Variants in SMOC2 observed in about 807,000 individuals in gnomAD.
SMOC2 encodes the protein SPARC-related modular calcium-binding protein 2.
In SMOC2, 39 loss-of-function variants were observed where a neutral mutation model predicts 61.4. The observed-to-expected ratio is 0.64, with a 90% CI of 0.49 to 0.83. The LOEUF (loss-of-function observed/expected upper bound fraction) is 0.83, where lower values mean the gene tolerates loss of function less well. Among genes scored for constraint, SMOC2 ranks in the 40% least tolerant of loss-of-function variants. The pLI, the probability that SMOC2 is intolerant of heterozygous loss-of-function variation, is 0.00. For missense variants in SMOC2, 556 were observed against 592.9 expected (o/e 0.94, Z 0.65); for synonymous variants, 247 against 239.9 (o/e 1.03, Z -0.27).
intron 1 of SMOC2, among the ~76,000 whole-genome samples, chr6:168,474,950 C>T (rs772847919): frequency 6.6e-6 from 1 of 152,096 alleles, no homozygotes; most frequent in Non-Finnish European, 1.5e-5. Context: ...TAAGTGATAC[C>T]ATACTGCTGA....
chr6:168,635,900 CAA>C (rs1319112730), intron 9 of SMOC2, among the ~76,000 whole-genome samples: 1 of 149,640 alleles, frequency 6.7e-6, no homozygotes, highest in Non-Finnish European at 1.5e-5. Context: ...ACTGGTTTAA[CAA>C]ATAGTTTTCT....
intron 1 of SMOC2, among the ~76,000 whole-genome samples, chr6:168,455,861 A>G (rs1174987833): frequency 6.6e-6 from 1 of 152,226 alleles, no homozygotes; most frequent in African/African-American, 2.4e-5. Flanking sequence ...CGTGGATTCA[A>G]AACCTCGTAT....
At chr6:168,662,936 A>G (rs76148038) in intron 11 of SMOC2, among the ~76,000 whole-genome samples, 7,186 of 152,236 alleles carry the variant, frequency 0.047, 420 homozygotes, top group African/African-American at 0.13. Context: ...GTAGGTTTGC[A>G]AGGGAAGATA....
At chr6:168,562,814 C>T (rs1784451750) in intron 7 of SMOC2, among the ~76,000 whole-genome samples, 2 of 152,152 alleles carry the variant, frequency 1.3e-5, no homozygotes, top group East Asian at 3.9e-4. Flanking sequence ...AGCTGTTTTC[C>T]CGGTGATCAC....
At chr6:168,481,388 G>T (rs549292175) in intron 1 of SMOC2, among the ~76,000 whole-genome samples, 25 of 152,198 alleles carry the variant, frequency 1.6e-4, no homozygotes, top group African/African-American at 5.3e-4. Flanking sequence ...GAACAGAGCT[G>T]CTAAAAGAAC....
chr6:168,445,383 C>T (rs1583022160), intron 1 of SMOC2, among the ~76,000 whole-genome samples: 1 of 152,162 alleles, frequency 6.6e-6, no homozygotes, highest in Non-Finnish European at 1.5e-5. Context: ...TTTCCCACTC[C>T]TATTTGTGTT....
At chr6:168,534,690 T>C (rs1271192539) in intron 4 of SMOC2, among the ~76,000 whole-genome samples, 2 of 152,260 alleles carry the variant, frequency 1.3e-5, no homozygotes, top group South Asian at 2.1e-4. Context: ...TTCTGGTGTC[T>C]AATGCTTGTG....
chr6:168,665,527 G>T (rs985684450), intron 12 of SMOC2, among the ~76,000 whole-genome samples: 1 of 152,276 alleles, frequency 6.6e-6, no homozygotes, highest in African/African-American at 2.4e-5. Flanking sequence ...ACGGGAAGGT[G>T]CATGATGCTA....
chr6:168,552,071 C>T (rs572075984), intron 7 of SMOC2, among the ~76,000 whole-genome samples: 16 of 152,300 alleles, frequency 1.1e-4, no homozygotes, highest in South Asian at 6.2e-4. Context: ...TTTACAGACA[C>T]GGGGCATGAA....
chr6:168,540,823 G>A (rs926296388), intron 4 of SMOC2, among the ~76,000 whole-genome samples: 1 of 152,124 alleles, frequency 6.6e-6, no homozygotes, highest in African/African-American at 2.4e-5. Context: ...GAAGTTCTCG[G>A]AAGGGGTGAG....
intron 12 of SMOC2, chr6:168,664,432 G>A: frequency 5.0e-6 from 2 of 397,576 alleles, no homozygotes; most frequent in Non-Finnish European, 4.5e-6. Flanking sequence ...AAGGGGTTCT[G>A]CCATGTTGCC....
In SMOC2 at chr6:168,464,849, G is replaced by C. The variant is rs9346714; in HGVS notation, c.84+23395G>C. 6.4e-4 allele frequency among the ~76,000 whole-genome samples: 97 copies of C among 152,374 alleles called. 3 individuals carry two copies. In the East Asian group the frequency reaches 0.018, roughly 29 times the overall value. On this transcript the variant is annotated intron_variant, in intron 1 of 12. Transcript: ENST00000356284. ...AAAGTGCCAGGGAGGAACATTGTAA[G>C]TCAGACGGCAGGTGCAGAAGTGCCC...
intron 1 of SMOC2, among the ~76,000 whole-genome samples, chr6:168,497,118 G>A (rs1460443244): frequency 1.3e-5 from 2 of 152,226 alleles, no homozygotes; most frequent in African/African-American, 4.8e-5. Flanking sequence ...GGGGAAAGAA[G>A]GCCCAGCCCT....
intron 1 of SMOC2, among the ~76,000 whole-genome samples, chr6:168,483,206 A>C (rs147000408): frequency 1.5e-3 from 231 of 151,856 alleles, no homozygotes; most frequent in East Asian, 2.1e-3. Flanking sequence ...CACACACACA[A>C]AAAAACTTGT....
intron 8 of SMOC2, 149 bp downstream of exon 8, chr6:168,599,153 CCACA>C (rs570119907): frequency 8.2e-5 from 57 of 696,464 alleles, no homozygotes; most frequent in Non-Finnish European, 1.2e-4. Context: ...ACACACATAC[CCACA>C]CACACCCACG....
At position 168,491,084 on chromosome 6, in the gene SMOC2, G is replaced by A. The variant is rs557195274; in HGVS notation, c.85-18831G>A. On this transcript the variant is annotated intron_variant, in intron 1 of 12. Coordinates refer to ENST00000356284, the MANE Select transcript of SMOC2 (RefSeq NM_001166412.2). ...CTCTCATTAAAAGGTGACCCTGTAG[G>A]ACTCTGGAGAGGTCATTCCTGATGG... Among the ~76,000 whole-genome samples the A allele has an allele frequency of 7.2e-5, 11 of 152,258 alleles. No individual in the cohort carries two copies. In the South Asian group the frequency reaches 2.1e-3, roughly 29 times the overall value.
At chr6:168,446,659 T>C (rs1256282654) in intron 1 of SMOC2, among the ~76,000 whole-genome samples, 6 of 152,220 alleles carry the variant, frequency 3.9e-5, no homozygotes, top group Non-Finnish European at 7.3e-5. Flanking sequence ...CCTAATTTCC[T>C]ATGGGCTAAA....
At chr6:168,478,462 G>A (rs1374369995) in intron 1 of SMOC2, among the ~76,000 whole-genome samples, 1 of 152,086 alleles carries the variant, frequency 6.6e-6, no homozygotes, top group African/African-American at 2.4e-5. Flanking sequence ...TAGGAAATAA[G>A]GTTGGAAAAT....
At chr6:168,542,601 T>A (rs1366909095) in intron 4 of SMOC2, among the ~76,000 whole-genome samples, 1 of 152,188 alleles carries the variant, frequency 6.6e-6, no homozygotes, top group Non-Finnish European at 1.5e-5. Context: ...GCTGTGTTCC[T>A]TCATAGGAAC....
Sources: allele counts gnomAD v4.1 joint callset (sites outside exome capture counted in the v4.1 genomes callset), GRCh38; gene constraint gnomAD v4.1.1; transcripts MANE v1.5; gene names NCBI Gene and HGNC (gene_info 2026-07-23, HGNC 2026-07-21).